The following DACT2 variants were observed in gnomAD, a reference collection of about 807,000 sequenced individuals.
The protein encoded by DACT2 is dapper homolog 2.
DACT2 carries 20 observed loss-of-function variants against 22.2 expected under a neutral mutation model. The ratio of observed to expected loss-of-function variants is 0.90; its 90% CI spans 0.63 to 1.31. DACT2 has a LOEUF of 1.31. DACT2 is among the 50% of genes most tolerant of loss of function. The pLI is 0.00. For synonymous variants in DACT2, 463 were observed against 479.8 expected (o/e 0.96, Z 0.46); for missense variants, 1,048 against 1,061.4 (o/e 0.99, Z 0.18).
At chr6:168,311,928 C>T (rs1477330468) in intron 1 of DACT2, among the ~76,000 whole-genome samples, 3 of 152,196 alleles carry the variant, frequency 2.0e-5, no homozygotes, top group Non-Finnish European at 2.9e-5. Flanking sequence ...TGCCCAGGTG[C>T]GGTGGCGTCC....
rs1451020752 is a variant in DACT2 at position 168,307,344 on chromosome 6, G to A, written c.*88C>T. On this transcript the variant is annotated 3_prime_UTR_variant, in exon 4 of 4. Transcript: ENST00000366795. The surrounding 1 kb of genome is among the most constrained non-coding windows in gnomAD (Gnocchi z 5.3). Reference sequence around the variant, plus strand: ...CTCGGAAGATAAAGCGACTTGGCAAGACGACACTGAAACCCAGACATGCAC... The same window carrying A: ...CTCGGAAGATAAAGCGACTTGGCAAAACGACACTGAAACCCAGACATGCAC... The A allele has an allele frequency of 2.0e-6, 3 of 1,503,772 alleles. No homozygotes were observed. Among genetic ancestry groups the A allele is most frequent in the African/African-American group, 1.4e-5 (1 of 71,210 alleles). The allele number at this position is 1,503,772 out of a possible 1,614,324, so 93.2% of individuals were successfully genotyped here. A position where few individuals can be genotyped will look rare whatever the true frequency, so the allele number is the denominator to read the frequency against.
chr6:168,314,040 A>G (rs1779488803), intron 1 of DACT2, among the ~76,000 whole-genome samples: 1 of 151,896 alleles, frequency 6.6e-6, no homozygotes, highest in Non-Finnish European at 1.5e-5. Context: ...GCTGTCCCGA[A>G]CTTGGGGTTT....
In DACT2 at chr6:168,308,779, GCCAGCCTCGAGGACCGGC is replaced by G; in HGVS notation, c.960_977del (p.Val322_Pro327del). The stretch of plus-strand genomic sequence containing the variant: ...CGATATAAGCTCTGGCCCTGGCCGG[GCCAGCCTCGAGGACCGGC>G]CCAGTCTGGATGGTGTTCAGACCTG... On this transcript the variant is annotated inframe_deletion, in exon 4 of 4. Transcript: ENST00000366795. 1 of 1,551,316 alleles carries G rather than the reference GCCAGCCTCGAGGACCGGC, an allele frequency of 6.4e-7. No individual in the cohort carries two copies. Among genetic ancestry groups the G allele is most frequent in the Non-Finnish European group, 8.7e-7 (1 of 1,147,010 alleles).
At chr6:168,295,076 C>T (rs1778985776) in intron 3 of DACT2, among the ~76,000 whole-genome samples, 2 of 152,156 alleles carry the variant, frequency 1.3e-5, no homozygotes, top group South Asian at 4.1e-4. Flanking sequence ...AGTCCTGCCC[C>T]TTCCTCCTCC....
Position 168,311,342 on chromosome 6 carries a change from G to T in DACT2, c.247-58C>A, listed in dbSNP as rs556785310. The T allele has an allele frequency of 1.8e-5, 27 of 1,470,748 alleles. No homozygotes were observed. In the Admixed American group the frequency reaches 5.3e-4, roughly 29 times the overall value. The allele number at this position is 1,470,748 out of a possible 1,614,324, so 91.1% of individuals were successfully genotyped here. ...GTACCTATGGAAAGCAAAACTTAAG[G>T]CTCAAAGGGGTGAAAACATGCATTG... On this transcript the variant is annotated intron_variant, in intron 1 of 3. Transcript: ENST00000366795.
intron 1 of DACT2, among the ~76,000 whole-genome samples, chr6:168,318,002 T>C (rs1779555467): frequency 8.3e-6 from 1 of 120,378 alleles, no homozygotes; most frequent in African/African-American, 2.7e-5. Context: ...GTAACACGTC[T>C]GTGGCTGTCG....
chr6:168,306,244 T>C (rs777425905), downstream of DACT2, among the ~76,000 whole-genome samples: 169 of 152,154 alleles, frequency 1.1e-3, no homozygotes, highest in Non-Finnish European at 2.3e-3. Context: ...TCAACGGCCT[T>C]CTCCACCTTC....
Position 168,308,380 on chromosome 6 carries a change from G to A in DACT2, c.1377C>T (p.Asn459=). Residue 459 remains asparagine, a synonymous_variant, in exon 4 of 4, where the codon AAC becomes AAT. Coordinates refer to ENST00000366795, the MANE Select transcript of DACT2 (RefSeq NM_214462.5). Reference sequence around the variant, plus strand: ...CCAGCATCCTGGATGGGGATATGATGTTGCCTCGTCCATAGTCCTGAGCTG... The same window carrying A: ...CCAGCATCCTGGATGGGGATATGATATTGCCTCGTCCATAGTCCTGAGCTG... ...TPSAQDYGRG[N]IISPSRMLDK... 6.4e-7 allele frequency: 1 copy of A among 1,551,896 alleles called. No homozygotes were observed. Among genetic ancestry groups the A allele is most frequent in the Non-Finnish European group, 8.7e-7 (1 of 1,147,016 alleles).
At chr6:168,295,860 T>C (rs1778999022) in intron 3 of DACT2, among the ~76,000 whole-genome samples, 1 of 152,232 alleles carries the variant, frequency 6.6e-6, no homozygotes. Flanking sequence ...TATTTGTCAC[T>C]GGAGGATGAA....
chr6:168,297,173 G>A (rs952365908), intron 3 of DACT2, among the ~76,000 whole-genome samples: 4 of 152,146 alleles, frequency 2.6e-5, no homozygotes. Context: ...GGAAGTCTTG[G>A]GCATGGCAGG....
chr6:168,296,971 T>TG (rs1427962243), intron 3 of DACT2, among the ~76,000 whole-genome samples: 1 of 151,502 alleles, frequency 6.6e-6, no homozygotes, highest in Non-Finnish European at 1.5e-5. Flanking sequence ...AATGAGAAAA[T>TG]GGGGGAAAAG....
chr6:168,305,066 G>C (rs993361973), downstream of DACT2, among the ~76,000 whole-genome samples: 5 of 152,192 alleles, frequency 3.3e-5, no homozygotes, highest in African/African-American at 1.2e-4. Flanking sequence ...GAGAGAGGGA[G>C]AGAGAGAGAA....
At position 168,310,426 on chromosome 6, in the gene DACT2, C is replaced by T. The variant is rs369801873; in HGVS notation, c.400G>A (p.Gly134Ser). The change falls in exon 3 of 4, where the codon GGT becomes AGT. Residue 134 changes from glycine (G) to serine (S), a missense_variant. Gly to Ser is a moderately conservative substitution (Grantham distance 56). Coordinates refer to ENST00000366795, the MANE Select transcript of DACT2 (RefSeq NM_214462.5). ...GACGTGGACAGGGAGCAGGATCCAC[C>T]GTCGCTCATCTCGTAAAAGCCTGGA... is the stretch of plus-strand genomic sequence containing the variant. ...PSSGFYEMSD[G>S]GSCSLSTSCA... 41 of 1,550,426 alleles carry T rather than the reference C, an allele frequency of 2.6e-5. No individual in the cohort carries two copies. The highest frequency in any genetic ancestry group is 1.2e-4 in the African/African-American group (9 of 72,982).
downstream of DACT2, among the ~76,000 whole-genome samples, chr6:168,303,884 T>C (rs1157867828): frequency 6.6e-6 from 1 of 152,254 alleles, no homozygotes; most frequent in African/African-American, 2.4e-5. Flanking sequence ...TAATTTAGAA[T>C]TCCTGACATA....
downstream of DACT2, among the ~76,000 whole-genome samples, chr6:168,304,778 G>A (rs1008419630): frequency 6.6e-6 from 1 of 152,220 alleles, no homozygotes; most frequent in African/African-American, 2.4e-5. Context: ...CTATGAGGAG[G>A]CCAGGCGGGA....
chr6:168,313,172 G>T (rs904281959), intron 1 of DACT2, among the ~76,000 whole-genome samples: 1 of 152,062 alleles, frequency 6.6e-6, no homozygotes, highest in African/African-American at 2.4e-5. Flanking sequence ...TCAGCCTCCC[G>T]AGTAGCTGGT....
chr6:168,294,095 G>A (rs1778957489), intron 5 of DACT2: 1 of 702,856 alleles, frequency 1.4e-6, no homozygotes, highest in Non-Finnish European at 2.6e-6. Flanking sequence ...TGTGCAGCTA[G>A]ACCCGAAGCA....
chr6:168,306,529 G>A (rs1349933672), downstream of DACT2, among the ~76,000 whole-genome samples: 1 of 151,216 alleles, frequency 6.6e-6, no homozygotes, highest in African/African-American at 2.4e-5. Flanking sequence ...TGCAGCCTCC[G>A]CCTCCTGGGT....
chr6:168,304,606 A>T (rs1485364044), downstream of DACT2, among the ~76,000 whole-genome samples: 1 of 152,200 alleles, frequency 6.6e-6, no homozygotes, highest in Non-Finnish European at 1.5e-5. Context: ...AACTCTGCAC[A>T]CTATAGGGAG....
Sources: gnomAD v4.1 joint callset for allele counts (sites outside exome capture counted in the v4.1 genomes callset) on GRCh38, gnomAD v4.1.1 for gene constraint, Gnocchi (gnomAD v3.1) non-coding constraint, MANE v1.5 for transcripts, NCBI Gene and HGNC (gene_info 2026-07-23, HGNC 2026-07-21) for gene names.